DYNC2I2: variants seen among roughly 807,000 people sequenced by gnomAD.
The protein encoded by DYNC2I2 is cytoplasmic dynein 2 intermediate chain 2.
In DYNC2I2, 39 loss-of-function variants were observed where a neutral mutation model predicts 52.0. That is an observed-to-expected ratio of 0.75 (90% confidence interval 0.58 to 0.98). The LOEUF (loss-of-function observed/expected upper bound fraction) is 0.98. DYNC2I2 is among the 50% of genes least tolerant of loss of function. The pLI, the probability that DYNC2I2 is intolerant of heterozygous loss-of-function variation, is 0.00. For synonymous variants in DYNC2I2, 359 were observed against 321.1 expected (o/e 1.12, Z -1.26); for missense variants, 743 against 728.4 (o/e 1.02, Z -0.23).
upstream of DYNC2I2, among the ~76,000 whole-genome samples, chr9:128,659,412 A>G (rs571770056): frequency 6.0e-5 from 9 of 150,840 alleles, no homozygotes; most frequent in Admixed American, 2.0e-4. Context: ...GGAGAATGGC[A>G]TGAACCTGGG....
rs1242089234 is a variant in DYNC2I2, at chr9:128,633,733, C to G, written c.*11G>C. ...GCACAGCGAAGGCTTGCACCCGCCTCCCGGGACCCCTCAGGCCGCCACCTC... is the reference window on the plus strand; with the variant it reads ...GCACAGCGAAGGCTTGCACCCGCCTGCCGGGACCCCTCAGGCCGCCACCTC... On this transcript the variant is annotated 3_prime_UTR_variant, in exon 9 of 9. Coordinates refer to ENST00000372715, the MANE Select transcript of DYNC2I2 (RefSeq NM_052844.4). 4 of 1,611,140 alleles carry G rather than the reference C, an allele frequency of 2.5e-6. No homozygotes were observed. Among genetic ancestry groups the G allele is most frequent in the Admixed American group, 1.7e-5 (1 of 60,014 alleles).
At chr9:128,660,482 C>T (rs1285473239), upstream of DYNC2I2, among the ~76,000 whole-genome samples, 1 of 151,620 alleles carries the variant, frequency 6.6e-6, no homozygotes, top group East Asian at 1.9e-4. Flanking sequence ...GATCTTGGCT[C>T]ACTGCAACTG....
At chr9:128,670,439 T>C in the DYNC2I2 span, among the ~76,000 whole-genome samples, 1 of 143,964 alleles carries the variant, frequency 6.9e-6, no homozygotes. Flanking sequence ...AAATTCCATC[T>C]CAGAAAAAAA....
At chr9:128,682,877 C>A in the DYNC2I2 span, among the ~76,000 whole-genome samples, 6 of 150,024 alleles carry the variant, frequency 4.0e-5, no homozygotes, top group African/African-American at 1.5e-4. Context: ...GGGGTTTCAC[C>A]ATGTTAGCCA....
rs547444256 is a variant in DYNC2I2 at position 128,633,992 on chromosome 9, GAGAC to G, written c.1373-14_1373-11del. On this transcript the variant is annotated splice_polypyrimidine_tract_variant and intron_variant, in intron 8 of 8. Transcript: ENST00000372715. ...AACAGCTGCACGTCACCTGCAAAGA[GAGAC>G]AGATACGTGGAGTAAGAGAAACTCT... The G allele has an allele frequency of 2.5e-6, 4 of 1,612,772 alleles. No individual in the cohort carries two copies. The highest frequency in any genetic ancestry group is 1.3e-5 in the African/African-American group (1 of 74,938).
In DYNC2I2 at chr9:128,634,255, G is replaced by GT. The variant is rs1303711280; in HGVS notation, c.1342_1343insA (p.Pro448HisfsTer12). On this transcript the variant is annotated frameshift_variant, in exon 8 of 9. Transcript: ENST00000372715. LOFTEE classifies it high-confidence loss of function. The stretch of plus-strand genomic sequence containing the variant: ...CCCAGAGGCAGCTGCAAAAACCAAG[G>GT]GCCGCACTGGGGACCAGCGCACAGC... 2 of 1,613,854 alleles carry GT rather than the reference G, an allele frequency of 1.2e-6. No individual in the cohort carries two copies. Among genetic ancestry groups the GT allele is most frequent in the South Asian group, 1.1e-5 (1 of 91,090 alleles).
the DYNC2I2 span, among the ~76,000 whole-genome samples, chr9:128,673,742 G>A: frequency 2.6e-5 from 4 of 151,464 alleles, no homozygotes; most frequent in Middle Eastern, 3.4e-3. Flanking sequence ...TCCTGACCTC[G>A]TGATCCGCCC....
At chr9:128,654,110 G>C (rs1860772243) in intron 1 of DYNC2I2, among the ~76,000 whole-genome samples, 1 of 152,180 alleles carries the variant, frequency 6.6e-6, no homozygotes, top group Admixed American at 6.6e-5. Context: ...CTGCGATAAG[G>C]ATGGACAGTT....
the DYNC2I2 span, among the ~76,000 whole-genome samples, chr9:128,662,290 T>G: frequency 1.3e-5 from 2 of 151,960 alleles, no homozygotes; most frequent in African/African-American, 4.8e-5. Flanking sequence ...GTGGCCATAA[T>G]GAAAGCGCCA....
At chr9:128,635,280 GCC>G in intron 5 of DYNC2I2, 21 bp from the exon 6 acceptor site, 1 of 1,610,356 alleles carries the variant, frequency 6.2e-7, no homozygotes, top group Non-Finnish European at 8.5e-7. Flanking sequence ...AGCATGCAGG[GCC>G]AGGATGGAGA....
intron 6 of DYNC2I2, 62 bp from the exon 7 acceptor site, chr9:128,634,983 GAGCC>G: frequency 6.3e-7 from 1 of 1,595,352 alleles, no homozygotes; most frequent in Non-Finnish European, 8.6e-7. Context: ...TGTCCCAACA[GAGCC>G]AGAGAACAGG....
intron 1 of DYNC2I2, among the ~76,000 whole-genome samples, chr9:128,645,088 T>C (rs995927600): frequency 2.6e-5 from 4 of 151,870 alleles, no homozygotes; most frequent in African/African-American, 9.7e-5. Flanking sequence ...CAGTGGCTCA[T>C]GCCTGTAATC....
the DYNC2I2 span, among the ~76,000 whole-genome samples, chr9:128,672,851 C>T: frequency 4.6e-5 from 7 of 152,030 alleles, no homozygotes; most frequent in Non-Finnish European, 1.0e-4. Context: ...GGTGAAACCC[C>T]GTGTCTACTA....
rs968684750 is a variant in DYNC2I2 at position 128,634,478 on chromosome 9, C to A, written c.1215-95G>T. On this transcript the variant is annotated intron_variant, in intron 7 of 8. Transcript: ENST00000372715. Reference sequence around the variant, plus strand: ...CAGACCCCTCCTGGGCTGCCAGGCTCGTGAAGAGCCTCCCGGGTCCCTCAG... The same window carrying A: ...CAGACCCCTCCTGGGCTGCCAGGCTAGTGAAGAGCCTCCCGGGTCCCTCAG... 3 of 1,467,344 alleles carry A rather than the reference C, an allele frequency of 2.0e-6. No individual in the cohort carries two copies. The East Asian group carries it at 6.9e-5, about 34-fold the overall frequency. 90.9% of individuals were successfully genotyped at this position (1,467,344 alleles called of 1,614,324 possible).
intron 6 of DYNC2I2, 46 bp downstream of exon 6, chr9:128,635,045 CA>C: frequency 6.3e-7 from 1 of 1,590,152 alleles, no homozygotes; most frequent in Non-Finnish European, 8.6e-7. Flanking sequence ...TTCCCACCCC[CA>C]AGGCTCACCG....
intron 4 of DYNC2I2, 121 bp downstream of exon 4, chr9:128,636,160 G>A: frequency 1.4e-6 from 2 of 1,430,052 alleles, no homozygotes; most frequent in Non-Finnish European, 1.9e-6. Flanking sequence ...CAGACTGAGA[G>A]GGTCAGGGCC....
At chr9:128,681,178 C>T in the DYNC2I2 span, among the ~76,000 whole-genome samples, 2 of 152,044 alleles carry the variant, frequency 1.3e-5, no homozygotes, top group Non-Finnish European at 2.9e-5. Context: ...GCAACCTCAG[C>T]CTCCCGGGTT....
Position 128,635,567 on chromosome 9 carries a change from G to A in DYNC2I2, c.813+91C>T, listed in dbSNP as rs1047882959. 6 of 1,209,572 alleles carry A rather than the reference G, an allele frequency of 5.0e-6. No homozygotes were observed. In the African/African-American group the frequency reaches 7.5e-5, roughly 15 times the overall value. 74.9% of individuals were successfully genotyped at this position (1,209,572 alleles called of 1,614,324 possible). A position where few individuals can be genotyped will look rare whatever the true frequency, so the allele number is the denominator to read the frequency against. On this transcript the variant is annotated intron_variant, in intron 5 of 8. Transcript: ENST00000372715. ...GAATGCAGGAGGCAGCTGTCCAACTGCCAACGCCCGGGTGACCTTCCTAGG... is the reference window on the plus strand; with the variant it reads ...GAATGCAGGAGGCAGCTGTCCAACTACCAACGCCCGGGTGACCTTCCTAGG...
In DYNC2I2 at chr9:128,634,359, A is replaced by G; in HGVS notation, c.1239T>C (p.Thr413=). 6.2e-7 allele frequency: 1 copy of G among 1,603,702 alleles called. No homozygotes were observed. Among genetic ancestry groups the G allele is most frequent in the Admixed American group, 1.7e-5 (1 of 57,928 alleles). ...FHRNLFLSAG[T]DGHVHLYSML... Reference sequence around the variant, plus strand: ...TGGAGTACAGGTGGACATGCCCGTCAGTCCCAGCGCTCAGGAAGAGATTCC... The same window carrying G: ...TGGAGTACAGGTGGACATGCCCGTCGGTCCCAGCGCTCAGGAAGAGATTCC... The change falls in exon 8 of 9, where the codon ACT becomes ACC. Residue 413 remains threonine (T), a synonymous_variant. Transcript: ENST00000372715.
Sources: allele counts gnomAD v4.1 joint callset (sites outside exome capture counted in the v4.1 genomes callset), GRCh38; gene constraint gnomAD v4.1.1; transcripts MANE v1.5; gene names NCBI Gene and HGNC (gene_info 2026-07-23, HGNC 2026-07-21).